The following TAFA1 variants were observed in gnomAD, a reference collection of about 807,000 sequenced individuals.
The protein encoded by TAFA1 is TAFA chemokine like family member 1.
TAFA1 carries 4 observed loss-of-function variants against 18.5 expected under a neutral mutation model. The ratio of observed to expected loss-of-function variants is 0.22; its 90% CI spans 0.11 to 0.49. TAFA1 has a LOEUF of 0.49. Among genes scored for constraint, TAFA1 ranks in the 20% least tolerant of loss-of-function variants. The probability of loss-of-function intolerance (pLI) is 0.98; values close to 1 mark genes in which losing one functional copy is unlikely to be tolerated. For missense variants in TAFA1, 147 were observed against 169.0 expected (o/e 0.87, Z 0.72); for synonymous variants, 56 against 55.2 (o/e 1.01, Z -0.06).
intron 3 of TAFA1, among the ~76,000 whole-genome samples, chr3:68,437,401 AAG>A (rs2071284093): frequency 6.6e-6 from 1 of 152,186 alleles, no homozygotes; most frequent in African/African-American, 2.4e-5. Flanking sequence ...TGTTGCTTGT[AAG>A]AGAATATCTG....
At chr3:68,242,460 C>G (rs1368476780) in intron 2 of TAFA1, among the ~76,000 whole-genome samples, 2 of 152,130 alleles carry the variant, frequency 1.3e-5, no homozygotes, top group African/African-American at 4.8e-5. Flanking sequence ...TTAGCAGTGT[C>G]TAAATTAATG....
chr3:68,013,742 A>G (rs978867738), intron 2 of TAFA1, among the ~76,000 whole-genome samples: 1 of 152,186 alleles, frequency 6.6e-6, no homozygotes, highest in Non-Finnish European at 1.5e-5. Context: ...CCCAAAGATA[A>G]TACCCTCAAA....
At chr3:68,026,293 G>A (rs1250528800) in intron 2 of TAFA1, among the ~76,000 whole-genome samples, 1 of 151,972 alleles carries the variant, frequency 6.6e-6, no homozygotes, top group Non-Finnish European at 1.5e-5. Context: ...GCGGGGGAAT[G>A]AGAGATCTTT....
At chr3:68,466,136 G>A (rs747410295) in intron 3 of TAFA1, among the ~76,000 whole-genome samples, 1 of 151,980 alleles carries the variant, frequency 6.6e-6, no homozygotes, top group Non-Finnish European at 1.5e-5. Flanking sequence ...CACTCTTGAG[G>A]TTGGGCTGGG....
chr3:68,308,952 C>T (rs1444831171), intron 2 of TAFA1, among the ~76,000 whole-genome samples: 1 of 152,164 alleles, frequency 6.6e-6, no homozygotes, highest in East Asian at 1.9e-4. Context: ...CCTTGCTTCT[C>T]CAGTATGTTA....
intron 2 of TAFA1, among the ~76,000 whole-genome samples, chr3:68,120,171 C>CTTTCTTTCTTTCTTTCTTTCTTTCTT (rs1178876848): frequency 2.4e-5 from 2 of 84,434 alleles, no homozygotes; most frequent in African/African-American, 9.0e-5. Flanking sequence ...CTCTTTCTTT[C>CTTTCTTTCTTTCTTTCTTTCTTTCTT]TCTTTCTTTC....
Position 68,219,510 on chromosome 3 carries a change from G to T in TAFA1, c.119-197770G>T, listed in dbSNP as rs145590336. 3.1e-3 allele frequency among the ~76,000 whole-genome samples: 479 copies of T among 152,126 alleles called. 3 individuals carry two copies. The highest frequency in any genetic ancestry group is 0.011 in the African/African-American group (448 of 41,502). ...CATTCTAGTTTGGCCTCTACATCCA[G>T]GCCCATCCAATCAGCTTTCTTGCTG... On this transcript the variant is annotated intron_variant, in intron 2 of 4. Coordinates refer to ENST00000478136, the MANE Select transcript of TAFA1 (RefSeq NM_213609.4).
chr3:68,022,659 C>A (rs1273379389), intron 2 of TAFA1, among the ~76,000 whole-genome samples: 1 of 151,156 alleles, frequency 6.6e-6, no homozygotes, highest in African/African-American at 2.4e-5. Flanking sequence ...GTGAGAAAAC[C>A]AGAATTAGAG....
At chr3:68,185,914 TAAA>T (rs1403907818) in intron 2 of TAFA1, among the ~76,000 whole-genome samples, 1 of 138,290 alleles carries the variant, frequency 7.2e-6, no homozygotes, top group Non-Finnish European at 1.5e-5. Context: ...ATAAAATAAA[TAAA>T]TAAATAAATA....
chr3:68,213,137 G>A (rs561700096), intron 2 of TAFA1, among the ~76,000 whole-genome samples: 11 of 151,778 alleles, frequency 7.2e-5, no homozygotes, highest in East Asian at 1.9e-4. Flanking sequence ...TGATATAATC[G>A]GTTATAACAC....
At chr3:68,456,847 G>T (rs1225498983) in intron 3 of TAFA1, among the ~76,000 whole-genome samples, 1 of 152,108 alleles carries the variant, frequency 6.6e-6, no homozygotes, top group African/African-American at 2.4e-5. Flanking sequence ...ATAGGCAACT[G>T]CAGCTGCAGA....
intron 2 of TAFA1, among the ~76,000 whole-genome samples, chr3:68,227,939 G>C (rs2066823842): frequency 6.6e-6 from 1 of 152,192 alleles, no homozygotes; most frequent in Non-Finnish European, 1.5e-5. Flanking sequence ...ACTTGGAGTG[G>C]AGCATATACT....
chr3:68,186,855 C>A (rs1241158173), intron 2 of TAFA1, among the ~76,000 whole-genome samples: 1 of 151,968 alleles, frequency 6.6e-6, no homozygotes, highest in Non-Finnish European at 1.5e-5. Flanking sequence ...TCTCACCTTG[C>A]TAGGAGATGT....
intron 2 of TAFA1, among the ~76,000 whole-genome samples, chr3:68,165,071 A>AGTT (rs2065968333): frequency 6.6e-6 from 1 of 152,230 alleles, no homozygotes; most frequent in African/African-American, 2.4e-5. Flanking sequence ...GTTCAGGCCA[A>AGTT]GGGACAGCAA....
At chr3:68,520,945 C>T (rs1346325601) in intron 3 of TAFA1, among the ~76,000 whole-genome samples, 1 of 152,156 alleles carries the variant, frequency 6.6e-6, no homozygotes, top group Non-Finnish European at 1.5e-5. Context: ...TTATTGAGCA[C>T]CTTCAGTGTA....
chr3:68,153,579 T>C (rs2065832128), intron 2 of TAFA1, among the ~76,000 whole-genome samples: 1 of 152,216 alleles, frequency 6.6e-6, no homozygotes, highest in African/African-American at 2.4e-5. Context: ...TTTTATTTTA[T>C]TTGTTCATGT....
At chr3:68,261,724 C>T (rs1431239898) in intron 2 of TAFA1, among the ~76,000 whole-genome samples, 2 of 152,046 alleles carry the variant, frequency 1.3e-5, no homozygotes, top group Non-Finnish European at 2.9e-5. Flanking sequence ...AATGAGAACA[C>T]ATGGATACAG....
chr3:68,185,235 GGTA>G (rs2066255272), intron 2 of TAFA1, among the ~76,000 whole-genome samples: 2 of 152,040 alleles, frequency 1.3e-5, no homozygotes, highest in Admixed American at 6.6e-5. Context: ...GTAAAGTGAG[GGTA>G]AGAAGGGAAA....
At chr3:68,053,219 AG>A (rs2064493969) in intron 2 of TAFA1, among the ~76,000 whole-genome samples, 1 of 152,088 alleles carries the variant, frequency 6.6e-6, no homozygotes, top group African/African-American at 2.4e-5. Context: ...GTCCAATGGC[AG>A]AAATAAAGTA....
Sources: allele counts gnomAD v4.1 joint callset (sites outside exome capture counted in the v4.1 genomes callset), GRCh38; gene constraint gnomAD v4.1.1; transcripts MANE v1.5; gene names NCBI Gene and HGNC (gene_info 2026-07-23, HGNC 2026-07-21).